The following NRG2 variants were observed in gnomAD, a reference collection of about 807,000 sequenced individuals.
The protein encoded by NRG2 is pro-neuregulin-2, membrane-bound isoform.
Under a neutral mutation model 73.9 loss-of-function variants are expected in NRG2, and 27 were observed. The observed-to-expected ratio is 0.37, with a 90% CI of 0.27 to 0.50. The LOEUF is 0.50. NRG2 is among the 20% of genes least tolerant of loss of function. NRG2 has a pLI of 0.96. For synonymous variants in NRG2, 532 were observed against 541.0 expected (o/e 0.98, Z 0.23); for missense variants, 1,126 against 1,210.1 (o/e 0.93, Z 1.03).
intron 1 of NRG2, among the ~76,000 whole-genome samples, chr5:139,899,345 A>C (rs62383899): frequency 2.0e-3 from 312 of 152,370 alleles, no homozygotes; most frequent in Non-Finnish European, 3.1e-3. Context: ...GGTCAGGGGT[A>C]GGTCCCAAGA....
At chr5:139,909,567 G>T (rs1765456921) in intron 1 of NRG2, among the ~76,000 whole-genome samples, 1 of 152,160 alleles carries the variant, frequency 6.6e-6, no homozygotes, top group Non-Finnish European at 1.5e-5. Context: ...CGGTATGTTT[G>T]CCCGTGAGTT....
At chr5:139,972,820 A>C (rs1756075880) in intron 1 of NRG2, among the ~76,000 whole-genome samples, 1 of 152,230 alleles carries the variant, frequency 6.6e-6, no homozygotes, top group Non-Finnish European at 1.5e-5. Flanking sequence ...TAGATATATA[A>C]GGAACCTTGT....
chr5:139,873,443 C>G (rs1342983394), intron 3 of NRG2, among the ~76,000 whole-genome samples: 3 of 152,252 alleles, frequency 2.0e-5, no homozygotes, highest in African/African-American at 7.2e-5. Flanking sequence ...GGAGAACCCT[C>G]GAGGTTGTCC....
chr5:139,966,453 C>T (rs925199359), intron 1 of NRG2, among the ~76,000 whole-genome samples: 6 of 152,118 alleles, frequency 3.9e-5, no homozygotes, highest in African/African-American at 1.4e-4. Context: ...TTCAGTCTGA[C>T]AAGCACCATC....
At chr5:139,948,534 T>C (rs753395091) in intron 1 of NRG2, among the ~76,000 whole-genome samples, 16 of 152,172 alleles carry the variant, frequency 1.1e-4, no homozygotes, top group Non-Finnish European at 2.2e-4. Context: ...ACTAGCCCAG[T>C]CAATATCCTG....
At chr5:139,866,807 C>T (rs1378670887) in intron 4 of NRG2, among the ~76,000 whole-genome samples, 1 of 152,216 alleles carries the variant, frequency 6.6e-6, no homozygotes, top group Non-Finnish European at 1.5e-5. Flanking sequence ...CCAGCCCTCT[C>T]CTCAAGCGAA....
chr5:139,944,890 C>T (rs986502863), intron 1 of NRG2, among the ~76,000 whole-genome samples: 1 of 152,258 alleles, frequency 6.6e-6, no homozygotes, highest in Middle Eastern at 3.4e-3. Flanking sequence ...TAAGAGTTCC[C>T]TTCTCTCTGC....
At chr5:139,935,383 T>G (rs1752771096) in intron 1 of NRG2, among the ~76,000 whole-genome samples, 1 of 152,128 alleles carries the variant, frequency 6.6e-6, no homozygotes, top group Non-Finnish European at 1.5e-5. Context: ...TAATTAACAT[T>G]CATAGGATAC....
At chr5:139,981,433 C>T (rs894633108) in intron 1 of NRG2, among the ~76,000 whole-genome samples, 3 of 152,232 alleles carry the variant, frequency 2.0e-5, no homozygotes, top group African/African-American at 7.2e-5. Flanking sequence ...GGGACTCTTA[C>T]GGATCCTTAA....
rs540579676 is a variant in NRG2, at chr5:139,941,301, T to C, written c.701-53790A>G. Reference sequence around the variant, plus strand: ...AACACAAAAATTTTATAATTTTGAATTGACAAAATTCAACATATAATCATT... The same window carrying C: ...AACACAAAAATTTTATAATTTTGAACTGACAAAATTCAACATATAATCATT... On this transcript the variant is annotated intron_variant, in intron 1 of 9. Coordinates refer to ENST00000361474, the MANE Select transcript of NRG2 (RefSeq NM_004883.3). Among the ~76,000 whole-genome samples, 23 of 152,120 alleles carry C rather than the reference T, an allele frequency of 1.5e-4. No homozygotes were observed. In the East Asian group the frequency reaches 3.9e-3, roughly 26 times the overall value.
intron 1 of NRG2, among the ~76,000 whole-genome samples, chr5:140,035,765 T>C (rs1249616794): frequency 1.3e-5 from 2 of 152,074 alleles, no homozygotes; most frequent in Non-Finnish European, 2.9e-5. Flanking sequence ...CAAAGACAGA[T>C]CCTCAGTCTT....
At chr5:139,939,204 T>TTTAC (rs1753171579) in intron 1 of NRG2, among the ~76,000 whole-genome samples, 1 of 133,884 alleles carries the variant, frequency 7.5e-6, no homozygotes, top group African/African-American at 2.8e-5. Flanking sequence ...CAAAGATTTC[T>TTTAC]TTCCTTCCTT....
intron 1 of NRG2, among the ~76,000 whole-genome samples, chr5:139,914,465 C>A (rs576766106): frequency 6.6e-6 from 1 of 152,172 alleles, no homozygotes; most frequent in African/African-American, 2.4e-5. Flanking sequence ...ACCTTCCTCT[C>A]GCTGCTTTCC....
intron 1 of NRG2, among the ~76,000 whole-genome samples, chr5:139,975,252 G>C (rs1307541937): frequency 6.6e-6 from 1 of 152,038 alleles, no homozygotes; most frequent in African/African-American, 2.4e-5. Context: ...TGGTGAAAAG[G>C]GAAAAAAAAG....
intron 1 of NRG2, among the ~76,000 whole-genome samples, chr5:140,016,776 A>C (rs566642946): frequency 5.3e-5 from 8 of 152,218 alleles, no homozygotes; most frequent in Non-Finnish European, 1.2e-4. Flanking sequence ...GGTGAGGAGG[A>C]GGAAGAGCAT....
In NRG2 at chr5:139,847,785, G is replaced by T; in HGVS notation, c.*132C>A. ...TGCTAAAATGAAAATAAAACATTTTGTTATACTTTTTTCCTTTTATAGAAA... is the reference window on the plus strand; with the variant it reads ...TGCTAAAATGAAAATAAAACATTTTTTTATACTTTTTTCCTTTTATAGAAA... On this transcript the variant is annotated 3_prime_UTR_variant, in exon 10 of 10. Transcript: ENST00000361474. 3.1e-6 allele frequency: 2 copies of T among 647,524 alleles called. No individual in the cohort carries two copies. The highest frequency in any genetic ancestry group is 4.4e-6 in the Non-Finnish European group (2 of 449,816). The allele number at this position is 647,524 out of a possible 1,614,324, so 40.1% of individuals were successfully genotyped here.
intron 1 of NRG2, among the ~76,000 whole-genome samples, chr5:140,029,359 T>C (rs907948013): frequency 2.6e-5 from 4 of 152,192 alleles, no homozygotes; most frequent in Non-Finnish European, 5.9e-5. Context: ...ATGACAGTAA[T>C]TGCAGCTAGC....
At chr5:139,994,825 G>T (rs1388371384) in intron 1 of NRG2, among the ~76,000 whole-genome samples, 1 of 152,130 alleles carries the variant, frequency 6.6e-6, no homozygotes, top group Admixed American at 6.5e-5. Context: ...AGGAAGGAGG[G>T]TGATTCAGAG....
At chr5:139,932,181 T>C (rs34388750) in intron 1 of NRG2, among the ~76,000 whole-genome samples, 23,148 of 151,604 alleles carry the variant, frequency 0.15, 1,963 homozygotes, top group South Asian at 0.25. Flanking sequence ...ATGGAAACAA[T>C]CTAAATGCCC....
Sources: allele counts gnomAD v4.1 joint callset (sites outside exome capture counted in the v4.1 genomes callset), GRCh38; gene constraint gnomAD v4.1.1; transcripts MANE v1.5; gene names NCBI Gene and HGNC (gene_info 2026-07-23, HGNC 2026-07-21).